The following IL1RAPL2 variants were observed in gnomAD, a reference collection of about 807,000 sequenced individuals.
IL1RAPL2 encodes the protein X-linked interleukin-1 receptor accessory protein-like 2.
IL1RAPL2 carries 3 observed loss-of-function variants against 44.1 expected under a neutral mutation model. That is an observed-to-expected ratio of 0.07 (90% CI 0.03 to 0.18). IL1RAPL2 has a LOEUF of 0.18. Among genes scored for constraint, IL1RAPL2 ranks in the 10% least tolerant of loss-of-function variants. The probability of loss-of-function intolerance (pLI) is 1.00; values close to 1 mark genes in which losing one functional copy is unlikely to be tolerated. For missense variants in IL1RAPL2, 391 were observed against 496.4 expected (o/e 0.79, Z 2.02); for synonymous variants, 181 against 178.8 (o/e 1.01, Z -0.10).
intron 2 of IL1RAPL2, among the ~76,000 whole-genome samples, chrX:104,835,906 G>A (rs1012436477): frequency 1.8e-5 from 2 of 111,300 alleles, no homozygotes; most frequent in East Asian, 2.8e-4. Flanking sequence ...AGTCATGCTT[G>A]GCCTGCTTGT....
At chrX:105,675,313 T>C (rs1343133212) in intron 6 of IL1RAPL2, among the ~76,000 whole-genome samples, 1 of 111,448 alleles carries the variant, frequency 9.0e-6, no homozygotes, top group Non-Finnish European at 1.9e-5. Flanking sequence ...TAAGTGGCTC[T>C]TATGATTTTG....
At chrX:104,626,049 A>C (rs1023246897) in intron 1 of IL1RAPL2, among the ~76,000 whole-genome samples, 5 of 111,128 alleles carry the variant, frequency 4.5e-5, no homozygotes, top group Non-Finnish European at 5.6e-5. Flanking sequence ...ACTATGCATC[A>C]GATATGATTC....
At chrX:104,735,130 A>G (rs1931990434) in intron 2 of IL1RAPL2, among the ~76,000 whole-genome samples, 1 of 112,033 alleles carries the variant, frequency 8.9e-6, no homozygotes, top group African/African-American at 3.2e-5. Flanking sequence ...GAAGAAAGGG[A>G]TAACAAAAGA....
chrX:104,923,212 A>G (rs1474194207), intron 2 of IL1RAPL2, among the ~76,000 whole-genome samples: 1 of 112,234 alleles, frequency 8.9e-6, no homozygotes, highest in African/African-American at 3.2e-5. Context: ...GAAGAAAATA[A>G]TAAGAAGTTT....
intron 6 of IL1RAPL2, among the ~76,000 whole-genome samples, chrX:105,641,447 A>G (rs1056437429): frequency 1.8e-5 from 2 of 111,721 alleles, no homozygotes; most frequent in African/African-American, 6.5e-5. Context: ...AACAATGACT[A>G]TAACTGACAG....
intron 5 of IL1RAPL2, among the ~76,000 whole-genome samples, chrX:105,290,673 T>G (rs919994631): frequency 9.0e-6 from 1 of 111,099 alleles, no homozygotes; most frequent in Non-Finnish European, 1.9e-5. Context: ...AATAACTTCT[T>G]TATTTTCTGC....
intron 2 of IL1RAPL2, among the ~76,000 whole-genome samples, chrX:104,772,521 G>A (rs1255381137): frequency 8.9e-6 from 1 of 111,956 alleles, no homozygotes; most frequent in Non-Finnish European, 1.9e-5. Flanking sequence ...AAAGCTATCG[G>A]TTATTTGGTT....
chrX:105,048,851 C>T (rs1253508617), intron 2 of IL1RAPL2, among the ~76,000 whole-genome samples: 1 of 112,101 alleles, frequency 8.9e-6, no homozygotes, highest in East Asian at 2.8e-4. Flanking sequence ...AACCCCATTT[C>T]CACTTCTCAA....
chrX:105,217,623 A>T (rs1388653632), intron 3 of IL1RAPL2, among the ~76,000 whole-genome samples: 1 of 112,137 alleles, frequency 8.9e-6, no homozygotes, highest in Non-Finnish European at 1.9e-5. Flanking sequence ...GGATTATAAA[A>T]CATGCTGCCA....
At chrX:105,076,213 A>C (rs2147542952) in intron 2 of IL1RAPL2, among the ~76,000 whole-genome samples, 1 of 110,574 alleles carries the variant, frequency 9.0e-6, no homozygotes, top group Non-Finnish European at 1.9e-5. Flanking sequence ...CACTGCTTTG[A>C]ATGTGTCCCA....
intron 3 of IL1RAPL2, among the ~76,000 whole-genome samples, chrX:105,227,349 G>C (rs149877863): frequency 0.018 from 2,030 of 111,689 alleles, 31 homozygotes; most frequent in Non-Finnish European, 0.029. Flanking sequence ...CATATTTACA[G>C]GCTAGAGATA....
At chrX:105,492,651 T>C (rs917486227) in intron 6 of IL1RAPL2, among the ~76,000 whole-genome samples, 4 of 110,046 alleles carry the variant, frequency 3.6e-5, no homozygotes, top group Admixed American at 9.8e-5. Flanking sequence ...CTGTCACTTA[T>C]TGATTGCTTA....
At chrX:105,532,775 C>T (rs892767914) in intron 6 of IL1RAPL2, among the ~76,000 whole-genome samples, 4 of 111,253 alleles carry the variant, frequency 3.6e-5, no homozygotes, top group African/African-American at 9.8e-5. Flanking sequence ...AAAAAATAAA[C>T]ATGTGTTACA....
intron 2 of IL1RAPL2, among the ~76,000 whole-genome samples, chrX:104,788,687 C>T (rs1257225166): frequency 2.7e-5 from 3 of 111,947 alleles, no homozygotes; most frequent in African/African-American, 9.7e-5. Context: ...AGAGCTTTCA[C>T]TCAGCCTGTG....
At chrX:105,079,959 G>A (rs954592001) in intron 2 of IL1RAPL2, among the ~76,000 whole-genome samples, 3 of 112,260 alleles carry the variant, frequency 2.7e-5, no homozygotes, top group African/African-American at 9.7e-5. Flanking sequence ...CAGTGATGAT[G>A]AGCTTTTATT....
At chrX:104,904,491 C>G (rs1923922256) in intron 2 of IL1RAPL2, among the ~76,000 whole-genome samples, 1 of 87,934 alleles carries the variant, frequency 1.1e-5, no homozygotes, top group Admixed American at 1.4e-4. Flanking sequence ...TGTGATATTC[C>G]CCTTCCTGTG....
intron 2 of IL1RAPL2, among the ~76,000 whole-genome samples, chrX:104,957,014 C>CT (rs1340096865): frequency 8.9e-6 from 1 of 111,935 alleles, no homozygotes; most frequent in Non-Finnish European, 1.9e-5. Flanking sequence ...GGTGGCTTAG[C>CT]TAGAAGGTGC....
At chrX:104,705,428 C>T (rs1392849618) in intron 2 of IL1RAPL2, among the ~76,000 whole-genome samples, 2 of 111,424 alleles carry the variant, frequency 1.8e-5, no homozygotes, top group Non-Finnish European at 3.8e-5. Flanking sequence ...AATCAGGGCC[C>T]ATGAGGGAGG....
intron 2 of IL1RAPL2, among the ~76,000 whole-genome samples, chrX:104,674,911 G>C (rs1329831324): frequency 1.8e-5 from 2 of 111,566 alleles, no homozygotes; most frequent in Non-Finnish European, 3.8e-5. Context: ...ATTCTCTGAT[G>C]GTAGTTTGTA....
Sources: gnomAD v4.1 joint callset for allele counts (sites outside exome capture counted in the v4.1 genomes callset) on GRCh38, gnomAD v4.1.1 for gene constraint, MANE v1.5 for transcripts, NCBI Gene and HGNC (gene_info 2026-07-23, HGNC 2026-07-21) for gene names.